Variants in ABCC2 observed in about 807,000 individuals in gnomAD.
The protein encoded by ABCC2 is ATP-binding cassette sub-family C member 2.
A neutral mutation model predicts 173.4 loss-of-function variants in ABCC2; 157 were observed. That is an observed-to-expected ratio of 0.91 (90% CI 0.80 to 1.03). The LOEUF (loss-of-function observed/expected upper bound fraction) is 1.03. ABCC2 is among the 50% of genes least tolerant of loss of function. The probability of loss-of-function intolerance (pLI) is 0.00; values close to 1 mark genes in which losing one functional copy is unlikely to be tolerated. For synonymous variants in ABCC2, 657 were observed against 693.5 expected, an observed-to-expected ratio of 0.95 and a Z score of 0.83; for missense variants, 1,822 against 1,852.3, an observed-to-expected ratio of 0.98 and a Z score of 0.30.
rs1405850002 is a variant in ABCC2 at position 99,851,718 on chromosome 10, G to T, written c.*87G>T. On this transcript the variant is annotated 3_prime_UTR_variant, in exon 32 of 32. Coordinates refer to ENST00000647814, the MANE Select transcript of ABCC2 (RefSeq NM_000392.5). ...TATAAAATACAGAATACATACAAAA[G>T]TGTGTATAAAATGTACGTTTTAAAA... The T allele has an allele frequency of 2.3e-6, 3 of 1,307,264 alleles. No individual in the cohort carries two copies. The highest frequency in any genetic ancestry group is 3.2e-6 in the Non-Finnish European group (3 of 947,280). The allele number at this position is 1,307,264 out of a possible 1,614,324, so 81.0% of individuals were successfully genotyped here.
rs1845618053 is a variant in ABCC2, at chr10:99,852,210, T to G, written c.*579T>G. 6.5e-6 allele frequency: 1 copy of G among 153,462 alleles called. No individual in the cohort carries two copies. Among genetic ancestry groups the G allele is most frequent in the South Asian group, 2.0e-4 (1 of 4,916 alleles). 9.5% of individuals were successfully genotyped at this position (153,462 alleles called of 1,614,324 possible). ...TACTATGGACATTCTGGTCTACATC[T>G]CCTGGCACATATGTAAGAGTTTCTC... On this transcript the variant is annotated 3_prime_UTR_variant, in exon 32 of 32. Transcript: ENST00000647814.
At chr10:99,850,975 C>T (rs936287426) in intron 31 of ABCC2, among the ~76,000 whole-genome samples, 179 bp downstream of exon 31, 8 of 152,172 alleles carry the variant, frequency 5.3e-5, no homozygotes, top group East Asian at 1.9e-4. Context: ...CAAATGAAAA[C>T]GAACAAGGTT....
At chr10:99,785,041 A>T (rs1235825034) in intron 2 of ABCC2, among the ~76,000 whole-genome samples, 1 of 152,164 alleles carries the variant, frequency 6.6e-6, no homozygotes. Flanking sequence ...CATATAATCA[A>T]TCAAATTATC....
At chr10:99,803,160 G>T (rs2038040664) in intron 9 of ABCC2, among the ~76,000 whole-genome samples, 1 of 152,052 alleles carries the variant, frequency 6.6e-6, no homozygotes, top group African/African-American at 2.4e-5. Flanking sequence ...GTAGAGATGG[G>T]GTTTCGCCAT....
chr10:99,832,220 C>T, intron 23 of ABCC2, 89 bp downstream of exon 23: 7 of 1,512,854 alleles, frequency 4.6e-6, no homozygotes, highest in Non-Finnish European at 6.4e-6. Flanking sequence ...CTAGACAACA[C>T]TGTTCAGTTC....
chr10:99,842,243 C>T, intron 26 of ABCC2, 150 bp downstream of exon 26: 2 of 1,107,882 alleles, frequency 1.8e-6, no homozygotes, highest in Non-Finnish European at 2.7e-6. Context: ...CCATCTTTTA[C>T]CCATGGACGT....
chr10:99,793,128 T>TA (rs998887295), intron 3 of ABCC2, among the ~76,000 whole-genome samples: 4 of 152,222 alleles, frequency 2.6e-5, no homozygotes, highest in Admixed American at 1.3e-4. Context: ...CAAGATTTTT[T>TA]AAAAAAATTA....
At position 99,836,072 on chromosome 10, in the gene ABCC2, C is replaced by G; in HGVS notation, c.3415-19C>G. On this transcript the variant is annotated intron_variant, in intron 24 of 31. Coordinates refer to ENST00000647814, the MANE Select transcript of ABCC2 (RefSeq NM_000392.5). Reference sequence around the variant, plus strand: ...CTCATGACTGCGGGACTGGCTGATTCTTTACTTTTTGTGTCCAGATGTTTT... The same window carrying G: ...CTCATGACTGCGGGACTGGCTGATTGTTTACTTTTTGTGTCCAGATGTTTT... 6.2e-7 allele frequency: 1 copy of G among 1,612,346 alleles called. No individual in the cohort carries two copies. The highest frequency in any genetic ancestry group is 8.5e-7 in the Non-Finnish European group (1 of 1,179,804).
chr10:99,814,630 T>TGTGTATATACACATATACACAC lies in ABCC2; in HGVS notation c.2094+1486_2094+1487insGTGTATATACACATATACACAC, dbSNP rs1564685673. ...ATGTGTATATACACATATACACACA[T>TGTGTATATACACATATACACAC]ATGTGTATATACACATATACACACA... On this transcript the variant is annotated intron_variant, in intron 16 of 31. Transcript: ENST00000647814. 7.3e-4 allele frequency among the ~76,000 whole-genome samples: 69 copies of TGTGTATATACACATATACACAC among 94,582 alleles called. 7 individuals carry two copies. Among genetic ancestry groups the TGTGTATATACACATATACACAC allele is most frequent in the Admixed American group, 1.1e-3 (11 of 10,220 alleles). The allele number at this position is 94,582 out of a possible 152,430, so 62.0% of individuals were successfully genotyped here.
At position 99,832,236 on chromosome 10, in the gene ABCC2, C is replaced by A. The variant is rs1451807157; in HGVS notation, c.3258+105C>A. The stretch of plus-strand genomic sequence containing the variant: ...TAGACAACACTGTTCAGTTCCAGTT[C>A]TTTTGTCACTCAACATGCAAGTGTT... On this transcript the variant is annotated intron_variant, in intron 23 of 31. Transcript: ENST00000647814. The A allele has an allele frequency of 9.2e-6, 13 of 1,414,676 alleles. No individual in the cohort carries two copies. In the East Asian group the frequency reaches 2.6e-4, roughly 28 times the overall value. 87.6% of individuals were successfully genotyped at this position (1,414,676 alleles called of 1,614,324 possible).
chr10:99,794,130 A>G (rs2037855573), intron 5 of ABCC2, 131 bp downstream of exon 5: 5 of 817,774 alleles, frequency 6.1e-6, no homozygotes, highest in Non-Finnish European at 9.5e-6. Context: ...CCATTTTATG[A>G]CAAGGAAACA....
chr10:99,805,781 C>G (rs2038089470), intron 11 of ABCC2, among the ~76,000 whole-genome samples: 1 of 152,108 alleles, frequency 6.6e-6, no homozygotes. Flanking sequence ...AAACCCACAC[C>G]CCTCACACTT....
intron 16 of ABCC2, among the ~76,000 whole-genome samples, chr10:99,813,745 A>G (rs2038257805): frequency 6.6e-6 from 1 of 152,078 alleles, no homozygotes; most frequent in South Asian, 2.1e-4. Flanking sequence ...TGCTTTATCT[A>G]TGTATTTGTT....
Position 99,800,471 on chromosome 10 carries a change from A to G in ABCC2, c.1117A>G (p.Ile373Val), listed in dbSNP as rs1336436144. The change falls in exon 9 of 32, where the codon ATT becomes GTT. Residue 373 changes from isoleucine to valine, a missense_variant. By Grantham distance (29) the Ile-to-Val change is conservative. Transcript: ENST00000647814. ...CAILLFTAAL[I>V]QSFCLQCYFQ... ...AATCCTCTTATTCACTGCGGCTCTC[A>G]TTCAGTCTTTCTGCCTTCAGTGTTA... The G allele has an allele frequency of 6.2e-7, 1 of 1,614,054 alleles. No homozygotes were observed. The highest frequency in any genetic ancestry group is 1.3e-5 in the African/African-American group (1 of 74,912).
intron 17 of ABCC2, among the ~76,000 whole-genome samples, chr10:99,818,293 T>C (rs2038458148): frequency 6.6e-6 from 1 of 152,166 alleles, no homozygotes; most frequent in Admixed American, 6.6e-5. Flanking sequence ...TTTTGAAACC[T>C]CTAAATAAAG....
At chr10:99,787,590 C>T (rs74770285) in intron 2 of ABCC2, among the ~76,000 whole-genome samples, 3,859 of 152,266 alleles carry the variant, frequency 0.025, 162 homozygotes, top group African/African-American at 0.085. Flanking sequence ...GTAAACATGA[C>T]ATCTCACTGA....
Position 99,810,119 on chromosome 10 carries a change from T to C in ABCC2, c.1816-15T>C, listed in dbSNP as rs759435705. The C allele has an allele frequency of 1.6e-5, 25 of 1,611,194 alleles. No homozygotes were observed. Among genetic ancestry groups the C allele is most frequent in the East Asian group, 8.9e-5 (4 of 44,868 alleles). ...ACTGACTTTAATTCTTGAGATCCTT[T>C]GTGTCCTTCTCTAGGCCAGTGTTTC... On this transcript the variant is annotated splice_polypyrimidine_tract_variant and intron_variant, in intron 13 of 31. Transcript: ENST00000647814.
chr10:99,807,513 C>G lies in ABCC2; in HGVS notation c.1660C>G (p.Pro554Ala). 6.2e-7 allele frequency: 1 copy of G among 1,614,120 alleles called. No individual in the cohort carries two copies. The highest frequency in any genetic ancestry group is 8.5e-7 in the Non-Finnish European group (1 of 1,179,978). The change falls in exon 12 of 32, where the codon CCA (proline) becomes GCA (alanine). Residue 554 changes from proline to alanine, a missense_variant. Pro to Ala is a conservative substitution (Grantham distance 27). Transcript: ENST00000647814. ...AGTAATATTCGTCTTCCAGTTAACTCCAGTCCTGGTGAGTAGCAGAGGGGT... is the reference window on the plus strand; with the variant it reads ...AGTAATATTCGTCTTCCAGTTAACTGCAGTCCTGGTGAGTAGCAGAGGGGT... The part of the protein sequence containing the change: ...CVVIFVFQLT[P>A]VLVSVVTFSV...
rs768072382 is a variant in ABCC2 at position 99,842,038 on chromosome 10, A to G, written c.3686A>G (p.Tyr1229Cys). The change falls in exon 26 of 32, where the codon TAT (tyrosine) becomes TGT (cysteine). Residue 1229 changes from tyrosine to cysteine, a missense_variant. Tyr to Cys is a radical substitution (Grantham distance 194, BLOSUM62 -2). Transcript: ENST00000647814. ...VFFSALMMVI[Y>C]RDTLSGDTVG... ...TTTTCAGCCTTGATGATGGTTATTT[A>G]TAGAGATACCCTAAGTGGGGACACT... The G allele has an allele frequency of 1.2e-6, 2 of 1,614,050 alleles. No homozygotes were observed. The highest frequency in any genetic ancestry group is 1.6e-4 in the Middle Eastern group (1 of 6,084).
Sources: gnomAD v4.1 joint callset for allele counts (sites outside exome capture counted in the v4.1 genomes callset) on GRCh38, gnomAD v4.1.1 for gene constraint, MANE v1.5 for transcripts, NCBI Gene and HGNC (gene_info 2026-07-23, HGNC 2026-07-21) for gene names.